Variants in DARS2 observed in about 807,000 individuals in gnomAD.
DARS2 encodes the protein aspartate--tRNA ligase, mitochondrial.
In DARS2, 63 loss-of-function variants were observed where a neutral mutation model predicts 83.0. That is an observed-to-expected ratio of 0.76 (90% CI 0.62 to 0.94). The LOEUF is 0.94. Among genes scored for constraint, DARS2 ranks in the 40% least tolerant of loss-of-function variants. DARS2 has a pLI of 0.00. For missense variants in DARS2, 675 were observed against 774.4 expected (o/e 0.87, Z 1.52); for synonymous variants, 250 against 269.3 (o/e 0.93, Z 0.70).
Position 173,857,548 on chromosome 1 carries a change from G to C in DARS2, c.1781G>C (p.Gly594Ala). Residue 594 changes from glycine to alanine, a missense_variant, in exon 17 of 17, where the codon GGA becomes GCA. Physicochemically the swap from Gly to Ala is moderately conservative, Grantham distance 60. Coordinates refer to ENST00000649689, the MANE Select transcript of DARS2 (RefSeq NM_018122.5). The stretch of plus-strand genomic sequence containing the variant: ...GACAGACTGATATGCCTTGTCACTG[G>C]ATCTCCAAGCATCAGAGATGTCATA... ...GLDRLICLVT[G>A]SPSIRDVIAF... 6.2e-7 allele frequency: 1 copy of C among 1,614,044 alleles called. No homozygotes were observed. The highest frequency in any genetic ancestry group is 8.5e-7 in the Non-Finnish European group (1 of 1,179,992).
At chr1:173,835,397 T>A (rs71514818) in intron 7 of DARS2, among the ~76,000 whole-genome samples, 7,986 of 146,560 alleles carry the variant, frequency 0.054, 301 homozygotes, top group Middle Eastern at 0.12. Context: ...AGCCAATGAA[T>A]TGGTTCTTTA....
chr1:173,849,825 C>T (rs73037076), intron 12 of DARS2, among the ~76,000 whole-genome samples: 2,315 of 151,064 alleles, frequency 0.015, 66 homozygotes, highest in African/African-American at 0.054. Flanking sequence ...CTCCATTCTT[C>T]ATCCCCTCCC....
chr1:173,839,432 G>C lies in DARS2; in HGVS notation c.906G>C (p.Gln302His). The change falls in exon 10 of 17, where the codon CAG becomes CAC. Residue 302 changes from glutamine to histidine, a missense_variant. Transcript: ENST00000649689. Reference sequence around the variant, plus strand: ...AGAGTTTAATTGAGGGTTTGCTCCAGTATTCCTGGCCCAATGACAAAGATC... The same window carrying C: ...AGAGTTTAATTGAGGGTTTGCTCCACTATTCCTGGCCCAATGACAAAGATC... ...GIQSLIEGLL[Q>H]YSWPNDKDPV... 6.2e-7 allele frequency: 1 copy of C among 1,614,156 alleles called. No individual in the cohort carries two copies. The highest frequency in any genetic ancestry group is 2.2e-5 in the East Asian group (1 of 44,874).
chr1:173,846,416 C>T (rs1267344965), intron 12 of DARS2, among the ~76,000 whole-genome samples: 1 of 151,980 alleles, frequency 6.6e-6, no homozygotes, highest in African/African-American at 2.4e-5. Flanking sequence ...ATCACAAGCC[C>T]AGGAGTTCAA....
chr1:173,837,305 C>T (rs1273760353), intron 8 of DARS2, among the ~76,000 whole-genome samples: 1 of 151,220 alleles, frequency 6.6e-6, no homozygotes, highest in Non-Finnish European at 1.5e-5. Flanking sequence ...GTTCTACTCT[C>T]AAGGTGTTAA....
At chr1:173,834,732 G>GTTTTTTTTTT in intron 7 of DARS2, among the ~76,000 whole-genome samples, 48 of 21,662 alleles carry the variant, frequency 2.2e-3, no homozygotes, top group East Asian at 3.7e-3. Flanking sequence ...GAGTTTTTTT[G>GTTTTTTTTTT]TTTTTTTTTT....
At chr1:173,852,296 G>A (rs1472571625) in intron 13 of DARS2, 1 of 968,506 alleles carries the variant, frequency 1.0e-6, no homozygotes, top group Non-Finnish European at 1.2e-6. Flanking sequence ...TATTTGCCAA[G>A]CCCGTTCTAA....
chr1:173,843,597 G>C (rs1289777291), intron 11 of DARS2, among the ~76,000 whole-genome samples: 3 of 152,142 alleles, frequency 2.0e-5, no homozygotes, highest in Non-Finnish European at 2.9e-5. Context: ...ATCCTCACAG[G>C]GAAAACACTC....
chr1:173,857,801 C>A lies in DARS2; in HGVS notation c.*96C>A. 2 of 1,318,140 alleles carry A rather than the reference C, an allele frequency of 1.5e-6. No homozygotes were observed. The highest frequency in any genetic ancestry group is 2.2e-6 in the Non-Finnish European group (2 of 926,312). 81.7% of individuals were successfully genotyped at this position (1,318,140 alleles called of 1,614,324 possible). A position where few individuals can be genotyped will look rare whatever the true frequency, so the allele number is the denominator to read the frequency against. Reference sequence around the variant, plus strand: ...ATCTAGAGTTCTGCCACAGGTCTAACAATCAAGTCTTTAGATGGAAGGAAT... The same window carrying A: ...ATCTAGAGTTCTGCCACAGGTCTAAAAATCAAGTCTTTAGATGGAAGGAAT... On this transcript the variant is annotated 3_prime_UTR_variant, in exon 17 of 17. Coordinates refer to ENST00000649689, the MANE Select transcript of DARS2 (RefSeq NM_018122.5).
In DARS2 at chr1:173,825,122, T is replaced by A; in HGVS notation, c.-108T>A. 1.3e-6 allele frequency: 2 copies of A among 1,517,568 alleles called. No individual in the cohort carries two copies. The highest frequency in any genetic ancestry group is 1.8e-6 in the Non-Finnish European group (2 of 1,103,788). 94.0% of individuals were successfully genotyped at this position (1,517,568 alleles called of 1,614,324 possible). Reference sequence around the variant, plus strand: ...AGGCCTTAAATATTCGAGAAGAGAGTGGGAACTCCTGGAATTTTAAGGGAT... The same window carrying A: ...AGGCCTTAAATATTCGAGAAGAGAGAGGGAACTCCTGGAATTTTAAGGGAT... On this transcript the variant is annotated 5_prime_UTR_variant, in exon 1 of 17. Coordinates refer to ENST00000649689, the MANE Select transcript of DARS2 (RefSeq NM_018122.5).
Position 173,831,553 on chromosome 1 carries a change from A to G in DARS2, c.415A>G (p.Ile139Val). Residue 139 changes from isoleucine (I) to valine (V), a missense_variant, in exon 5 of 17, where the codon ATT becomes GTT. By Grantham distance (29) the Ile-to-Val change is conservative. Transcript: ENST00000649689. ...QENPKMPTGEIEIKVKTAELL... is the reference protein window; with the variant it reads ...QENPKMPTGEVEIKVKTAELL... Reference sequence around the variant, plus strand: ...CTCCAAGAAAATGCCAACAGGTGAGATTGAAATCAAAGTTAAAACAGCTGA... The same window carrying G: ...CTCCAAGAAAATGCCAACAGGTGAGGTTGAAATCAAAGTTAAAACAGCTGA... 8.7e-6 allele frequency: 14 copies of G among 1,614,072 alleles called. No individual in the cohort carries two copies. Among genetic ancestry groups the G allele is most frequent in the Non-Finnish European group, 1.2e-5 (14 of 1,179,924 alleles).
At chr1:173,845,484 T>G (rs991707379) in intron 12 of DARS2, among the ~76,000 whole-genome samples, 193 bp downstream of exon 12, 7 of 152,174 alleles carry the variant, frequency 4.6e-5, no homozygotes, top group Non-Finnish European at 8.8e-5. Context: ...CAGGCTAGAG[T>G]GCAGTGTTGC....
intron 11 of DARS2, among the ~76,000 whole-genome samples, chr1:173,842,280 C>CTTTATTTTTTTT (rs1653250297): frequency 1.6e-5 from 1 of 61,494 alleles, no homozygotes; most frequent in Admixed American, 2.1e-4. Context: ...AGTCTCATTA[C>CTTTATTTTTTTT]TTTCTTTTTT....
chr1:173,850,594 T>G, intron 13 of DARS2, 115 bp downstream of exon 13: 1 of 1,052,372 alleles, frequency 9.5e-7, no homozygotes, highest in Non-Finnish European at 1.4e-6. Context: ...ATGGAGCTGC[T>G]CTGCATAAAT....
chr1:173,852,501 TTTTA>T (rs1466299532), intron 13 of DARS2, among the ~76,000 whole-genome samples: 1 of 152,078 alleles, frequency 6.6e-6, no homozygotes, highest in Non-Finnish European at 1.5e-5. Flanking sequence ...TCTTATTTTT[TTTTA>T]TTTTTTATTT....
intron 7 of DARS2, among the ~76,000 whole-genome samples, chr1:173,834,746 T>A (rs1238799898): frequency 7.7e-5 from 10 of 130,220 alleles, no homozygotes; most frequent in African/African-American, 3.1e-4. Context: ...TTTTTTTTTT[T>A]TTTTTTTTTT....
chr1:173,835,547 C>T lies in DARS2; in HGVS notation c.663+1028C>T, dbSNP rs1571983342. Among the ~76,000 whole-genome samples, 3 of 150,292 alleles carry T rather than the reference C, an allele frequency of 2.0e-5. No homozygotes were observed. The East Asian group carries it at 6.0e-4, about 30-fold the overall frequency. On this transcript the variant is annotated intron_variant, in intron 7 of 16. Transcript: ENST00000649689. ...AGACCGTATCTCTTGTCTTAAAGAC[C>T]CTAAAGAAAAAAAAATGGAAAAGAA...
At chr1:173,849,393 G>A (rs1653561002) in intron 12 of DARS2, among the ~76,000 whole-genome samples, 1 of 151,912 alleles carries the variant, frequency 6.6e-6, no homozygotes, top group Admixed American at 6.6e-5. Context: ...AATTAGCCAG[G>A]CATGTTGACA....
chr1:173,857,801 CAATCAAGTCTTTAGATGG>C lies in DARS2; in HGVS notation c.*99_*116del. The C allele has an allele frequency of 7.6e-7, 1 of 1,318,142 alleles. No homozygotes were observed. The highest frequency in any genetic ancestry group is 1.1e-6 in the Non-Finnish European group (1 of 926,314). The allele number at this position is 1,318,142 out of a possible 1,614,324, so 81.7% of individuals were successfully genotyped here. A position where few individuals can be genotyped will look rare whatever the true frequency, so the allele number is the denominator to read the frequency against. On this transcript the variant is annotated 3_prime_UTR_variant, in exon 17 of 17. Transcript: ENST00000649689. The stretch of plus-strand genomic sequence containing the variant: ...ATCTAGAGTTCTGCCACAGGTCTAA[CAATCAAGTCTTTAGATGG>C]AAGGAATCCAGGCAACATTCTTCAC...
Sources: gnomAD v4.1 joint callset for allele counts (sites outside exome capture counted in the v4.1 genomes callset) on GRCh38, gnomAD v4.1.1 for gene constraint, MANE v1.5 for transcripts, NCBI Gene and HGNC (gene_info 2026-07-23, HGNC 2026-07-21) for gene names.